SLC47A2: variants seen among roughly 807,000 people sequenced by gnomAD.
SLC47A2 encodes multidrug and toxin extrusion protein 2.
Under a neutral mutation model 67.7 loss-of-function variants are expected in SLC47A2, and 52 were observed. The observed-to-expected ratio is 0.77, with a 90% CI of 0.61 to 0.97. The LOEUF (loss-of-function observed/expected upper bound fraction) is 0.97, where lower values mean the gene tolerates loss of function less well. Among genes scored for constraint, SLC47A2 ranks in the 50% least tolerant of loss-of-function variants. The pLI, the probability that SLC47A2 is intolerant of heterozygous loss-of-function variation, is 0.00. For synonymous variants in SLC47A2, 278 were observed against 292.9 expected (o/e 0.95, Z 0.52); for missense variants, 676 against 712.3 (o/e 0.95, Z 0.58).
At chr17:19,679,774 T>C (rs2085273507) in intron 16 of SLC47A2, among the ~76,000 whole-genome samples, 178 bp downstream of exon 16, 1 of 152,026 alleles carries the variant, frequency 6.6e-6, no homozygotes, top group South Asian at 2.1e-4. Flanking sequence ...GCATGCCTGC[T>C]AGACAATAGA....
chr17:19,683,898 C>A (rs1168907061), intron 13 of SLC47A2, among the ~76,000 whole-genome samples: 1 of 151,942 alleles, frequency 6.6e-6, no homozygotes, highest in African/African-American at 2.4e-5. Context: ...AAAATAAGAA[C>A]AAGGGGGAAA....
chr17:19,712,658 A>G (rs935208895), intron 5 of SLC47A2, 45 bp downstream of exon 5: 4 of 1,603,720 alleles, frequency 2.5e-6, no homozygotes, highest in Middle Eastern at 1.7e-4. Flanking sequence ...AAAAGCCAGA[A>G]TTTAGGGGAA....
intron 5 of SLC47A2, among the ~76,000 whole-genome samples, chr17:19,709,876 G>A (rs948346878): frequency 1.3e-5 from 2 of 152,112 alleles, no homozygotes; most frequent in Non-Finnish European, 2.9e-5. Flanking sequence ...CATCACCTCG[G>A]TCTGAAAAGC....
At chr17:19,708,044 T>C (rs1158698174) in intron 7 of SLC47A2, among the ~76,000 whole-genome samples, 1 of 152,172 alleles carries the variant, frequency 6.6e-6, no homozygotes, top group Admixed American at 6.5e-5. Context: ...GACTACAGTG[T>C]CCTGGGGGCC....
chr17:19,714,117 T>A, intron 3 of SLC47A2, 144 bp from the exon 4 acceptor site: 3 of 1,129,740 alleles, frequency 2.7e-6, no homozygotes, highest in Non-Finnish European at 3.7e-6. Flanking sequence ...GCCCGCAGCC[T>A]GTAATGGCAC....
chr17:19,706,210 G>A (rs1409961296), intron 9 of SLC47A2, among the ~76,000 whole-genome samples: 1 of 152,200 alleles, frequency 6.6e-6, no homozygotes, highest in Non-Finnish European at 1.5e-5. Flanking sequence ...AGGCTGCCTG[G>A]AGTCCTCACT....
intron 4 of SLC47A2, 73 bp from the exon 5 acceptor site, chr17:19,712,818 C>T (rs2086138301): frequency 6.8e-7 from 1 of 1,464,366 alleles, no homozygotes; most frequent in South Asian, 1.2e-5. Flanking sequence ...CCCCTGTGTC[C>T]TCCAGGACTG....
intron 13 of SLC47A2, among the ~76,000 whole-genome samples, chr17:19,696,270 G>A (rs1476360264): frequency 2.1e-5 from 3 of 144,734 alleles, no homozygotes; most frequent in African/African-American, 7.7e-5. Context: ...GGCCAACATG[G>A]TGAAACCCCA....
intron 10 of SLC47A2, chr17:19,705,060 T>G (rs2085893846): frequency 3.1e-6 from 1 of 323,846 alleles, no homozygotes; most frequent in African/African-American, 2.2e-5. Flanking sequence ...CTCCTGGCTT[T>G]GTGATCCGCC....
In SLC47A2 at chr17:19,702,571, A is replaced by G. The variant is rs116896332; in HGVS notation, c.1164+34T>C. The G allele has an allele frequency of 1.6e-3, 2,653 of 1,612,164 alleles. 61 individuals carry two copies. The East Asian group carries it at 0.044, about 26-fold the overall frequency. On this transcript the variant is annotated intron_variant, in intron 13 of 16. Transcript: ENST00000433844. ...GGCACAAGTACATAAATCATGTCCCAGGGAGTCAGGCTTTGGATCAAAGTG... is the reference window on the plus strand; with the variant it reads ...GGCACAAGTACATAAATCATGTCCCGGGGAGTCAGGCTTTGGATCAAAGTG...
In SLC47A2 at chr17:19,708,739, G is replaced by A. The variant is rs2086016086; in HGVS notation, c.508C>T (p.Leu170=). 1.9e-6 allele frequency: 3 copies of A among 1,613,994 alleles called. No individual in the cohort carries two copies. The highest frequency in any genetic ancestry group is 2.5e-6 in the Non-Finnish European group (3 of 1,180,042). The stretch of plus-strand genomic sequence containing the variant: ...ACCTGATTTTGCAAATATTTTGCCA[G>A]CAGATTGTAAAGAAAAATCACCTGT... ...GLPVIFLYNL[L]AKYLQNQKIT... The change falls in exon 6 of 17, where the codon CTG becomes TTG. Residue 170 remains leucine (L), a synonymous_variant. Transcript: ENST00000433844.
At chr17:19,692,057 G>A (rs150028705) in intron 13 of SLC47A2, among the ~76,000 whole-genome samples, 3,475 of 152,006 alleles carry the variant, frequency 0.023, 70 homozygotes, top group African/African-American at 0.052. Flanking sequence ...GTGAAACCCC[G>A]TCTCTACCAC....
intron 10 of SLC47A2, chr17:19,704,797 G>C: frequency 2.6e-6 from 2 of 774,684 alleles, no homozygotes; most frequent in Non-Finnish European, 3.8e-6. Context: ...GTGCAGGAAT[G>C]TGGCCTGCTG....
In SLC47A2 at chr17:19,678,417, C is replaced by G. The variant is rs927656168; in HGVS notation, c.*269G>C. The G allele has an allele frequency of 2.1e-6, 1 of 484,386 alleles. No homozygotes were observed. Among genetic ancestry groups the G allele is most frequent in the Non-Finnish European group, 3.7e-6 (1 of 269,226 alleles). The allele number at this position is 484,386 out of a possible 1,614,324, so 30.0% of individuals were successfully genotyped here. A position where few individuals can be genotyped will look rare whatever the true frequency, so the allele number is the denominator to read the frequency against. On this transcript the variant is annotated 3_prime_UTR_variant, in exon 17 of 17. Transcript: ENST00000433844. ...ACATTATTAATAATAGTGACAATCC[C>G]TGGACTCTGACTCGTGCAGTTGGCT...
At chr17:19,708,512 TGAG>T in intron 6 of SLC47A2, 113 bp from the exon 7 acceptor site, 1 of 1,613,856 alleles carries the variant, frequency 6.2e-7, no homozygotes, top group Non-Finnish European at 8.5e-7. Flanking sequence ...CCATCCCTGT[TGAG>T]GAGTTGGAAG....
At chr17:19,690,169 G>A (rs187139991) in intron 13 of SLC47A2, among the ~76,000 whole-genome samples, 9 of 152,266 alleles carry the variant, frequency 5.9e-5, no homozygotes. Flanking sequence ...ATACATGGGG[G>A]AAAGGACAGT....
intron 12 of SLC47A2, 109 bp from the exon 13 acceptor site, chr17:19,702,783 G>T (rs1240101833): frequency 8.0e-7 from 1 of 1,245,752 alleles, no homozygotes; most frequent in Non-Finnish European, 1.1e-6. Flanking sequence ...TGGAATAGAG[G>T]TAGTTGCCCC....
intron 4 of SLC47A2, 84 bp downstream of exon 4, chr17:19,713,741 G>A: frequency 6.5e-7 from 1 of 1,538,830 alleles, no homozygotes; most frequent in Non-Finnish European, 8.8e-7. Context: ...AGCATGGGGT[G>A]TGAGGGCTGG....
Position 19,681,377 on chromosome 17 carries a change from GC to G in SLC47A2, c.1381del (p.Ala461LeufsTer44). 6.2e-7 allele frequency: 1 copy of G among 1,607,604 alleles called. No homozygotes were observed. The highest frequency in any genetic ancestry group is 8.5e-7 in the Non-Finnish European group (1 of 1,176,552). On this transcript the variant is annotated frameshift_variant, in exon 15 of 17. Transcript: ENST00000433844. LOFTEE classifies it high-confidence loss of function. ...AGCTGACCCACTTACCTCCTCTGCA[GC>G]AAGCTTCCAGTCCAGCCGGGCAGTA... ...AYTARLDWKL[A>X]AEEAKKHSGR...
Sources: gnomAD v4.1 joint callset for allele counts (sites outside exome capture counted in the v4.1 genomes callset) on GRCh38, gnomAD v4.1.1 for gene constraint, MANE v1.5 for transcripts, NCBI Gene and HGNC (gene_info 2026-07-23, HGNC 2026-07-21) for gene names.